The following NETO1 variants were observed in gnomAD, a reference collection of about 807,000 sequenced individuals.
The protein encoded by NETO1 is neuropilin and tolloid like 1.
A neutral mutation model predicts 61.3 loss-of-function variants in NETO1; 26 were observed. The ratio of observed to expected loss-of-function variants is 0.42; its 90% CI spans 0.31 to 0.59. The LOEUF (loss-of-function observed/expected upper bound fraction) is 0.59. Among genes scored for constraint, NETO1 ranks in the 20% least tolerant of loss-of-function variants. NETO1 has a pLI of 0.12. For synonymous variants in NETO1, 225 were observed against 225.8 expected, an observed-to-expected ratio of 1.00 and a Z score of 0.03; for missense variants, 531 against 662.8, an observed-to-expected ratio of 0.80 and a Z score of 2.18.
chr18:72,762,090 C>A (rs1301395106), intron 7 of NETO1, among the ~76,000 whole-genome samples: 1 of 151,904 alleles, frequency 6.6e-6, no homozygotes, highest in African/African-American at 2.4e-5. Context: ...TGATGGAATT[C>A]TTAATTCTTA....
chr18:72,836,668 CT>C (rs1233913635), intron 4 of NETO1, among the ~76,000 whole-genome samples: 2 of 152,116 alleles, frequency 1.3e-5, no homozygotes, highest in Non-Finnish European at 2.9e-5. Context: ...GAATGGAGGA[CT>C]TGTTTCAGAG....
chr18:72,865,706 G>T, intron 1 of NETO1: 2 of 1,535,342 alleles, frequency 1.3e-6, no homozygotes, highest in Non-Finnish European at 8.8e-7. Flanking sequence ...CTGTATTTTA[G>T]AAAATAAATA....
At chr18:72,825,313 G>A (rs1381086300) in intron 4 of NETO1, among the ~76,000 whole-genome samples, 1 of 152,132 alleles carries the variant, frequency 6.6e-6, no homozygotes, top group Non-Finnish European at 1.5e-5. Flanking sequence ...AAGTGATTTT[G>A]ATAATTGTTT....
At chr18:72,866,652 A>G (rs2074742439) in intron 1 of NETO1, 2 of 924,902 alleles carry the variant, frequency 2.2e-6, no homozygotes, top group East Asian at 1.2e-4. Flanking sequence ...CATTTCCACC[A>G]CACATTTTCT....
chr18:72,854,794 A>G (rs1018054728), intron 4 of NETO1, among the ~76,000 whole-genome samples: 2 of 150,140 alleles, frequency 1.3e-5, no homozygotes, highest in African/African-American at 2.4e-5. Context: ...TTTGATGTTA[A>G]ATAATTTATA....
intron 3 of NETO1, among the ~76,000 whole-genome samples, chr18:72,862,103 A>G (rs1460579742): frequency 1.3e-5 from 2 of 151,762 alleles, no homozygotes; most frequent in Non-Finnish European, 2.9e-5. Flanking sequence ...CTTATGTGTT[A>G]TTTTCTGGAA....
intron 7 of NETO1, among the ~76,000 whole-genome samples, chr18:72,761,563 C>T (rs1047671698): frequency 6.6e-6 from 1 of 152,074 alleles, no homozygotes; most frequent in African/African-American, 2.4e-5. Context: ...CTTGGAAAAG[C>T]AAGCCAGGCC....
intron 4 of NETO1, among the ~76,000 whole-genome samples, chr18:72,836,202 G>A (rs1408984059): frequency 2.0e-5 from 3 of 152,094 alleles, no homozygotes. Context: ...TTTTGCACAG[G>A]CTGTTTCCAC....
intron 4 of NETO1, among the ~76,000 whole-genome samples, chr18:72,831,117 T>C (rs934921670): frequency 6.6e-6 from 1 of 152,188 alleles, no homozygotes; most frequent in Non-Finnish European, 1.5e-5. Context: ...CAACAGCCCA[T>C]CTATTCACTT....
At chr18:72,784,032 T>C in intron 6 of NETO1, 126 bp from the exon 7 acceptor site, 2 of 665,232 alleles carry the variant, frequency 3.0e-6, no homozygotes, top group South Asian at 3.8e-5. Flanking sequence ...TTATTTTCCC[T>C]TGTGAATAGA....
intron 7 of NETO1, among the ~76,000 whole-genome samples, chr18:72,780,524 T>C (rs565258738): frequency 6.6e-6 from 1 of 152,222 alleles, no homozygotes; most frequent in Non-Finnish European, 1.5e-5. Context: ...GGATCTTTGA[T>C]GTTAGCCGGT....
At chr18:72,781,922 T>A (rs1296197030) in intron 7 of NETO1, among the ~76,000 whole-genome samples, 1 of 152,112 alleles carries the variant, frequency 6.6e-6, no homozygotes, top group Non-Finnish European at 1.5e-5. Context: ...TCACGGGAGT[T>A]TGGTGTACAA....
intron 6 of NETO1, among the ~76,000 whole-genome samples, chr18:72,792,132 C>A (rs1297203618): frequency 6.6e-6 from 1 of 152,058 alleles, no homozygotes; most frequent in Non-Finnish European, 1.5e-5. Flanking sequence ...AAGACCAGTG[C>A]CCTCAAAAAA....
chr18:72,834,890 G>A, intron 4 of NETO1: 1 of 843,108 alleles, frequency 1.2e-6, no homozygotes, highest in Non-Finnish European at 1.4e-6. Flanking sequence ...TATCGAAAAA[G>A]ATTATATAAT....
At chr18:72,775,476 C>T (rs933853562) in intron 7 of NETO1, among the ~76,000 whole-genome samples, 2 of 152,048 alleles carry the variant, frequency 1.3e-5, no homozygotes, top group Non-Finnish European at 2.9e-5. Flanking sequence ...AGAAACCTCT[C>T]GTTATAGTGT....
At chr18:72,814,314 A>G (rs1037666203) in intron 4 of NETO1, among the ~76,000 whole-genome samples, 5 of 152,164 alleles carry the variant, frequency 3.3e-5, no homozygotes, top group African/African-American at 1.2e-4. Context: ...TCAAGGGAAT[A>G]ATGACAGCAG....
chr18:72,826,534 T>C (rs1599089197), intron 4 of NETO1, among the ~76,000 whole-genome samples: 1 of 152,080 alleles, frequency 6.6e-6, no homozygotes, highest in Non-Finnish European at 1.5e-5. Flanking sequence ...ACCACTTTTT[T>C]TTCACAATTC....
At chr18:72,831,525 C>T (rs1457287112) in intron 4 of NETO1, among the ~76,000 whole-genome samples, 1 of 152,132 alleles carries the variant, frequency 6.6e-6, no homozygotes, top group Non-Finnish European at 1.5e-5. Context: ...TCAATGCTAC[C>T]ACTAGTACTT....
chr18:72,857,579 T>A (rs957428114), intron 4 of NETO1, among the ~76,000 whole-genome samples: 1 of 152,180 alleles, frequency 6.6e-6, no homozygotes, highest in Non-Finnish European at 1.5e-5. Flanking sequence ...TAGGTACAGG[T>A]TATATTCAAA....
Sources: allele counts gnomAD v4.1 joint callset (sites outside exome capture counted in the v4.1 genomes callset), GRCh38; gene constraint gnomAD v4.1.1; transcripts MANE v1.5; gene names NCBI Gene and HGNC (gene_info 2026-07-23, HGNC 2026-07-21).